The following ZUP1 variants were observed in gnomAD, a reference collection of about 807,000 sequenced individuals.
ZUP1 encodes the protein zinc finger containing ubiquitin peptidase 1.
Under a neutral mutation model 68.1 loss-of-function variants are expected in ZUP1, and 55 were observed. That is an observed-to-expected ratio of 0.81 (90% CI 0.65 to 1.01). The LOEUF is 1.01. Among genes scored for constraint, ZUP1 ranks in the 50% least tolerant of loss-of-function variants. The pLI is 0.00. For synonymous variants in ZUP1, 223 were observed against 221.5 expected (o/e 1.01, Z -0.06); for missense variants, 684 against 674.9 (o/e 1.01, Z -0.15).
chr6:116,657,141 T>C (rs1314844922), intron 4 of ZUP1, among the ~76,000 whole-genome samples: 1 of 152,184 alleles, frequency 6.6e-6, no homozygotes, highest in Non-Finnish European at 1.5e-5. Context: ...ACCTCAGGTA[T>C]TGGGAGATGC....
At chr6:116,641,473 A>G (rs1438009398) in intron 9 of ZUP1, among the ~76,000 whole-genome samples, 1 of 152,044 alleles carries the variant, frequency 6.6e-6, no homozygotes, top group East Asian at 1.9e-4. Context: ...AAAGAACAGA[A>G]ATTATAACAA....
intron 2 of ZUP1, 69 bp from the exon 3 acceptor site, chr6:116,660,915 T>C: frequency 1.1e-6 from 1 of 928,528 alleles, no homozygotes; most frequent in African/African-American, 1.7e-5. Context: ...TTTTTTTTTT[T>C]TTGAGACAGG....
intron 8 of ZUP1, 200 bp from the exon 9 acceptor site, chr6:116,646,134 G>A: frequency 2.4e-6 from 1 of 413,634 alleles, no homozygotes; most frequent in Non-Finnish European, 4.2e-6. Flanking sequence ...GTTTTCTAAA[G>A]GCTTCATTAC....
At chr6:116,641,436 G>C (rs1465006506) in intron 9 of ZUP1, among the ~76,000 whole-genome samples, 1 of 151,888 alleles carries the variant, frequency 6.6e-6, no homozygotes, top group Non-Finnish European at 1.5e-5. Context: ...CACATACTTG[G>C]AAGTAAAGCT....
intron 5 of ZUP1, among the ~76,000 whole-genome samples, chr6:116,652,528 C>T (rs1776542194): frequency 6.6e-6 from 1 of 152,072 alleles, no homozygotes. Context: ...AATTTGCTCC[C>T]AATCAAAAAA....
intron 5 of ZUP1, 39 bp from the exon 6 acceptor site, chr6:116,652,231 C>T (rs2114255402): frequency 6.7e-7 from 1 of 1,494,780 alleles, no homozygotes; most frequent in South Asian, 1.2e-5. Context: ...TCATTATCAC[C>T]TTTATATTGC....
intron 3 of ZUP1, among the ~76,000 whole-genome samples, chr6:116,659,273 G>A (rs1306616104): frequency 1.3e-5 from 2 of 152,112 alleles, no homozygotes; most frequent in African/African-American, 4.8e-5. Context: ...GGGATTACAG[G>A]TGCCTGCCAC....
chr6:116,635,717 T>C lies in ZUP1; in HGVS notation c.*115A>G. On this transcript the variant is annotated 3_prime_UTR_variant, in exon 10 of 10. Transcript: ENST00000368576. ...CACAGGCATTTTAGAAATTAAATTA[T>C]ATGTTAAGACTTAAGAGAATTCACA... 1.4e-6 allele frequency: 1 copy of C among 697,846 alleles called. No homozygotes were observed. The highest frequency in any genetic ancestry group is 2.3e-6 in the Non-Finnish European group (1 of 444,394). The allele number at this position is 697,846 out of a possible 1,614,324, so 43.2% of individuals were successfully genotyped here.
intron 9 of ZUP1, among the ~76,000 whole-genome samples, chr6:116,636,981 T>C (rs1206088183): frequency 2.0e-5 from 3 of 152,288 alleles, no homozygotes; most frequent in South Asian, 2.1e-4. Flanking sequence ...ATTCCTACAG[T>C]ATAAAGTACT....
chr6:116,644,934 AG>A (rs1776242090), intron 9 of ZUP1, among the ~76,000 whole-genome samples: 1 of 152,040 alleles, frequency 6.6e-6, no homozygotes, highest in African/African-American at 2.4e-5. Context: ...AATGATATCA[AG>A]ACAGGAAACG....
chr6:116,650,087 A>C (rs1357872466), intron 7 of ZUP1, among the ~76,000 whole-genome samples: 1 of 152,180 alleles, frequency 6.6e-6, no homozygotes, highest in African/African-American at 2.4e-5. Flanking sequence ...AAAATAGAGA[A>C]AAAGCAAAGA....
chr6:116,640,541 C>G (rs1455690530), intron 9 of ZUP1, among the ~76,000 whole-genome samples: 1 of 151,960 alleles, frequency 6.6e-6, no homozygotes, highest in Non-Finnish European at 1.5e-5. Flanking sequence ...ATTCAACATT[C>G]TTAAAGAAAA....
In ZUP1 at chr6:116,667,226, T is replaced by A. The variant is rs763318648; in HGVS notation, c.-15-19A>T. 7.0e-7 allele frequency: 1 copy of A among 1,433,460 alleles called. No individual in the cohort carries two copies. The highest frequency in any genetic ancestry group is 9.3e-7 in the Non-Finnish European group (1 of 1,078,548). The allele number at this position is 1,433,460 out of a possible 1,614,324, so 88.8% of individuals were successfully genotyped here. A position where few individuals can be genotyped will look rare whatever the true frequency, so the allele number is the denominator to read the frequency against. The stretch of plus-strand genomic sequence containing the variant: ...CAAGTAGCTAGAAAAGAACATAACA[T>A]TAGGTTTCAAAGATTTGAAGAAAAA... On this transcript the variant is annotated intron_variant, in intron 1 of 9. Coordinates refer to ENST00000368576, the MANE Select transcript of ZUP1 (RefSeq NM_145062.3).
intron 9 of ZUP1, among the ~76,000 whole-genome samples, chr6:116,643,506 C>T (rs1387860946): frequency 6.6e-6 from 1 of 152,140 alleles, no homozygotes; most frequent in Non-Finnish European, 1.5e-5. Context: ...ATCAATGGAA[C>T]AGATCAGAGC....
intron 7 of ZUP1, among the ~76,000 whole-genome samples, chr6:116,649,848 A>C (rs994922261): frequency 7.9e-5 from 12 of 152,240 alleles, no homozygotes; most frequent in African/African-American, 2.9e-4. Context: ...TGAATGGACA[A>C]CTAAGGATTT....
chr6:116,639,285 G>T (rs1176453667), intron 9 of ZUP1, among the ~76,000 whole-genome samples: 1 of 152,254 alleles, frequency 6.6e-6, no homozygotes, highest in African/African-American at 2.4e-5. Flanking sequence ...AAAGACAGCA[G>T]TAACCTCTGC....
rs1296978159 is a variant in ZUP1 at position 116,651,604 on chromosome 6, T to C, written c.1284A>G (p.Glu428=). The C allele has an allele frequency of 6.2e-7, 1 of 1,613,686 alleles. No homozygotes were observed. The highest frequency in any genetic ancestry group is 1.3e-5 in the African/African-American group (1 of 74,924). The change falls in exon 7 of 10, where the codon GAA becomes GAG. Residue 428 remains glutamate, a synonymous_variant. Coordinates refer to ENST00000368576, the MANE Select transcript of ZUP1 (RefSeq NM_145062.3). ...TTAGGGAGGTCAGGAGTATATATAC[T>C]TCACATGCTCCAATCCAGGCCTTTG... The part of the protein sequence containing the change: ...QGTKAWIGAC[E]VYILLTSLRV...
At chr6:116,661,768 G>A (rs1776849776) in intron 2 of ZUP1, among the ~76,000 whole-genome samples, 1 of 152,180 alleles carries the variant, frequency 6.6e-6, no homozygotes, top group South Asian at 2.1e-4. Context: ...CAGCCAGTGT[G>A]AAGGAACCAT....
chr6:116,653,908 C>T (rs1335769177), intron 5 of ZUP1, among the ~76,000 whole-genome samples: 1 of 151,894 alleles, frequency 6.6e-6, no homozygotes, highest in Non-Finnish European at 1.5e-5. Context: ...ACTTTTTATT[C>T]CTTAGCACCT....
Sources: gnomAD v4.1 joint callset for allele counts (sites outside exome capture counted in the v4.1 genomes callset) on GRCh38, gnomAD v4.1.1 for gene constraint, MANE v1.5 for transcripts, NCBI Gene and HGNC (gene_info 2026-07-23, HGNC 2026-07-21) for gene names.